Variants in TNNI3K observed in about 807,000 individuals in gnomAD.
TNNI3K encodes TNNI3 interacting kinase.
A neutral mutation model predicts 114.5 loss-of-function variants in TNNI3K; 140 were observed. The observed-to-expected ratio is 1.22, with a 90% CI of 1.07 to 1.41. The LOEUF (loss-of-function observed/expected upper bound fraction) is 1.41. TNNI3K is among the 40% of genes most tolerant of loss of function. The pLI is 0.00. For missense variants in TNNI3K, 1,125 were observed against 1,007.6 expected, an observed-to-expected ratio of 1.12 and a Z score of -1.58; for synonymous variants, 347 against 347.5, an observed-to-expected ratio of 1.00 and a Z score of 0.02.
At chr1:74,524,554 C>T (rs1231172086) in intron 23 of TNNI3K, among the ~76,000 whole-genome samples, 2 of 152,126 alleles carry the variant, frequency 1.3e-5, no homozygotes, top group Admixed American at 6.6e-5. Flanking sequence ...GAATGATGCT[C>T]ATAAAAGATT....
At chr1:74,303,981 T>C (rs1366178578) in intron 5 of TNNI3K, among the ~76,000 whole-genome samples, 1 of 152,142 alleles carries the variant, frequency 6.6e-6, no homozygotes, top group Non-Finnish European at 1.5e-5. Context: ...TATGATTGAA[T>C]TGCCAGACTC....
At chr1:74,272,381 G>A (rs1268725610) in intron 5 of TNNI3K, among the ~76,000 whole-genome samples, 1 of 151,740 alleles carries the variant, frequency 6.6e-6, no homozygotes, top group Non-Finnish European at 1.5e-5. Flanking sequence ...GAGAGAGAAG[G>A]GGGCACTATT....
intron 21 of TNNI3K, chr1:74,470,389 A>G (rs2100734768): frequency 2.5e-6 from 1 of 400,364 alleles, no homozygotes. Context: ...TTTCCCTACT[A>G]TTTTTATCTC....
chr1:74,419,606 T>C (rs1045139288), intron 17 of TNNI3K, among the ~76,000 whole-genome samples: 1 of 152,054 alleles, frequency 6.6e-6, no homozygotes, highest in African/African-American at 2.4e-5. Context: ...TGTTTTGTTT[T>C]TCTTTGGTGC....
chr1:74,369,924 TG>T (rs45494796), intron 16 of TNNI3K: 218 of 247,348 alleles, frequency 8.8e-4, no homozygotes, highest in African/African-American at 4.7e-3. Flanking sequence ...AAAGTGATCT[TG>T]AACAAATCCA....
chr1:74,279,747 C>A (rs566052630), intron 5 of TNNI3K, among the ~76,000 whole-genome samples: 68 of 152,312 alleles, frequency 4.5e-4, no homozygotes, highest in African/African-American at 1.4e-3. Context: ...ACTCATTGTG[C>A]ACAATATATG....
At chr1:74,362,143 T>C (rs1431259423) in intron 11 of TNNI3K, among the ~76,000 whole-genome samples, 1 of 152,136 alleles carries the variant, frequency 6.6e-6, no homozygotes, top group East Asian at 1.9e-4. Context: ...AGGAGGAAGG[T>C]GAGCCATTGA....
At chr1:74,451,870 A>C (rs1348377075) in intron 20 of TNNI3K, among the ~76,000 whole-genome samples, 2 of 151,324 alleles carry the variant, frequency 1.3e-5, no homozygotes, top group Non-Finnish European at 2.9e-5. Flanking sequence ...AAAATGTTTC[A>C]TCTGCCATCA....
chr1:74,297,623 A>G (rs1658077099), intron 5 of TNNI3K, among the ~76,000 whole-genome samples: 1 of 151,750 alleles, frequency 6.6e-6, no homozygotes, highest in East Asian at 1.9e-4. Flanking sequence ...TATCTTGACT[A>G]CTGTGAATAA....
intron 20 of TNNI3K, among the ~76,000 whole-genome samples, chr1:74,441,903 CTG>C (rs1198585003): frequency 9.9e-5 from 15 of 152,052 alleles, no homozygotes; most frequent in Non-Finnish European, 2.2e-4. Flanking sequence ...TTCCTGTAAT[CTG>C]TGGCTTGCCT....
At chr1:74,271,450 T>C in intron 4 of TNNI3K, 148 bp from the exon 5 acceptor site, 1 of 620,578 alleles carries the variant, frequency 1.6e-6, no homozygotes, top group Non-Finnish European at 2.7e-6. Flanking sequence ...TTCTCTGGTA[T>C]CTAATGTGCT....
rs12753007 is a variant in TNNI3K at position 74,348,934 on chromosome 1, A to G, written c.933-4332A>G. Among the ~76,000 whole-genome samples, 586 of 152,286 alleles carry G rather than the reference A, an allele frequency of 3.8e-3. 1 individual carries two copies. The highest frequency in any genetic ancestry group is 6.4e-3 in the Non-Finnish European group (432 of 68,024). The stretch of plus-strand genomic sequence containing the variant: ...CGTTTTCTAGATATACAATCATGTC[A>G]TCTGCAAACAGGGACCATTTGACTT... On this transcript the variant is annotated intron_variant, in intron 9 of 24. Transcript: ENST00000326637.
intron 23 of TNNI3K, among the ~76,000 whole-genome samples, chr1:74,507,751 T>C (rs1387055536): frequency 6.6e-6 from 1 of 152,232 alleles, no homozygotes; most frequent in Non-Finnish European, 1.5e-5. Context: ...ACTAATATGG[T>C]ACTTTAGTGT....
intron 21 of TNNI3K, among the ~76,000 whole-genome samples, chr1:74,488,480 T>C (rs1668879538): frequency 6.6e-6 from 1 of 152,196 alleles, no homozygotes; most frequent in African/African-American, 2.4e-5. Context: ...ATAGGGTGTA[T>C]AGTTTTAGGA....
At chr1:74,386,770 G>A (rs1232284604) in intron 17 of TNNI3K, among the ~76,000 whole-genome samples, 3 of 152,176 alleles carry the variant, frequency 2.0e-5, no homozygotes, top group African/African-American at 7.2e-5. Flanking sequence ...TTGACAGAAA[G>A]AAATTGGTAG....
intron 17 of TNNI3K, among the ~76,000 whole-genome samples, chr1:74,391,988 C>T (rs574691636): frequency 5.5e-5 from 5 of 90,632 alleles, no homozygotes; most frequent in East Asian, 2.9e-4. Context: ...TTTTTTGAGA[C>T]GGAGTCTCGC....
intron 22 of TNNI3K, among the ~76,000 whole-genome samples, chr1:74,490,526 A>G (rs1368856108): frequency 6.6e-6 from 1 of 152,198 alleles, no homozygotes; most frequent in African/African-American, 2.4e-5. Flanking sequence ...TCTTATTGTA[A>G]TATATTGATC....
intron 23 of TNNI3K, among the ~76,000 whole-genome samples, chr1:74,518,765 G>A (rs1232602597): frequency 6.6e-6 from 1 of 151,360 alleles, no homozygotes; most frequent in Non-Finnish European, 1.5e-5. Flanking sequence ...AGTAAAGGGT[G>A]TGTTTTTAAA....
intron 20 of TNNI3K, among the ~76,000 whole-genome samples, chr1:74,442,049 C>T (rs903835703): frequency 2.6e-5 from 4 of 151,796 alleles, no homozygotes; most frequent in African/African-American, 4.8e-5. Context: ...TAAAAACTTC[C>T]CCCTATTTTT....
Sources: allele counts gnomAD v4.1 joint callset (sites outside exome capture counted in the v4.1 genomes callset), GRCh38; gene constraint gnomAD v4.1.1; transcripts MANE v1.5; gene names NCBI Gene and HGNC (gene_info 2026-07-23, HGNC 2026-07-21).